The following ANGPT1 variants were observed in gnomAD, a reference collection of about 807,000 sequenced individuals.
ANGPT1 encodes the protein angiopoietin 1, also known as angiopoietin-1.
A neutral mutation model predicts 62.2 loss-of-function variants in ANGPT1; 17 were observed. The observed-to-expected ratio is 0.27, with a 90% CI of 0.19 to 0.41. ANGPT1 has a LOEUF of 0.41. Among genes scored for constraint, ANGPT1 ranks in the 10% least tolerant of loss-of-function variants. The pLI, the probability that ANGPT1 is intolerant of heterozygous loss-of-function variation, is 1.00. For synonymous variants in ANGPT1, 199 were observed against 198.9 expected, an observed-to-expected ratio of 1.00 and a Z score of 0.00; for missense variants, 478 against 594.9, an observed-to-expected ratio of 0.80 and a Z score of 2.04.
intron 1 of ANGPT1, among the ~76,000 whole-genome samples, chr8:107,386,455 G>A (rs140598040): frequency 1.8e-3 from 268 of 152,198 alleles, no homozygotes; most frequent in African/African-American, 5.8e-3. Flanking sequence ...AAAGAAGAGA[G>A]GCTGCCTTAA....
chr8:107,354,916 C>CTTTTTTTT (rs780289972), intron 1 of ANGPT1, among the ~76,000 whole-genome samples: 1 of 135,930 alleles, frequency 7.4e-6, no homozygotes, highest in African/African-American at 2.7e-5. Context: ...GATGGTGTTG[C>CTTTTTTTT]TTTTTTTTTT....
At chr8:107,388,070 AT>A (rs201552569) in intron 1 of ANGPT1, among the ~76,000 whole-genome samples, 3,763 of 152,128 alleles carry the variant, frequency 0.025, 149 homozygotes, top group African/African-American at 0.082. Context: ...TGAGATGAAA[AT>A]TTTTTTATGA....
At position 107,368,068 on chromosome 8, in the gene ANGPT1, C is replaced by T. The variant is rs1356945505; in HGVS notation, c.298-20971G>A. Among the ~76,000 whole-genome samples the T allele has an allele frequency of 2.0e-5, 3 of 152,264 alleles. No individual in the cohort carries two copies. The East Asian group carries it at 5.8e-4, about 29-fold the overall frequency. On this transcript the variant is annotated intron_variant, in intron 1 of 8. Transcript: ENST00000517746. ...GGTTTTCAATTTACTTTGCCCAGAT[C>T]CATCTGAGGAATCATTGTCTATGGC...
intron 1 of ANGPT1, among the ~76,000 whole-genome samples, chr8:107,424,516 A>G (rs1810984972): frequency 6.6e-6 from 1 of 152,196 alleles, no homozygotes; most frequent in South Asian, 2.1e-4. Flanking sequence ...ATTAGCTGAT[A>G]TAAACCTTCT....
In ANGPT1 at chr8:107,321,884, A is replaced by T. The variant is rs757509186; in HGVS notation, c.808+12T>A. On this transcript the variant is annotated intron_variant, in intron 4 of 8. Transcript: ENST00000517746. ...AATATTAACAATACCAAAGTGAGGA[A>T]GACATTCTTACCACCTTCTTTAGTG... is the stretch of plus-strand genomic sequence containing the variant. 17 of 1,608,056 alleles carry T rather than the reference A, an allele frequency of 1.1e-5. No homozygotes were observed. The highest frequency in any genetic ancestry group is 1.4e-5 in the Non-Finnish European group (17 of 1,174,838).
chr8:107,454,395 A>C (rs2130461799), intron 1 of ANGPT1, among the ~76,000 whole-genome samples: 1 of 152,210 alleles, frequency 6.6e-6, no homozygotes, highest in African/African-American at 2.4e-5. Flanking sequence ...TTAAAATACA[A>C]ATCAGTTCTC....
intron 1 of ANGPT1, among the ~76,000 whole-genome samples, chr8:107,460,650 C>T (rs895689323): frequency 2.6e-5 from 4 of 152,100 alleles, no homozygotes; most frequent in Admixed American, 6.6e-5. Context: ...ATGCAGAGAA[C>T]ATGATGTGCT....
intron 5 of ANGPT1, among the ~76,000 whole-genome samples, chr8:107,299,391 GTATATA>G (rs59247214): frequency 0.026 from 2,896 of 112,436 alleles, 80 homozygotes; most frequent in African/African-American, 0.06. Context: ...ATGAAGGAGT[GTATATA>G]TATATATATA....
intron 1 of ANGPT1, among the ~76,000 whole-genome samples, chr8:107,375,131 G>T (rs1261289247): frequency 6.6e-6 from 1 of 151,600 alleles, no homozygotes; most frequent in African/African-American, 2.4e-5. Flanking sequence ...CTGCACTCCA[G>T]CCTGGTGACA....
chr8:107,410,926 T>C (rs2130355417), intron 1 of ANGPT1, among the ~76,000 whole-genome samples: 1 of 152,276 alleles, frequency 6.6e-6, no homozygotes, highest in East Asian at 1.9e-4. Context: ...TACATAACTG[T>C]TTGTGCCAAG....
chr8:107,335,467 C>T (rs139482816), intron 3 of ANGPT1, among the ~76,000 whole-genome samples: 23 of 152,254 alleles, frequency 1.5e-4, no homozygotes, highest in African/African-American at 5.5e-4. Flanking sequence ...ATGTTAATGA[C>T]TTCAAAATAA....
Position 107,251,555 on chromosome 8 carries a change from A to G in ANGPT1, c.*300T>C. 3.8e-6 allele frequency: 1 copy of G among 261,300 alleles called. No individual in the cohort carries two copies. The highest frequency in any genetic ancestry group is 7.3e-6 in the Non-Finnish European group (1 of 136,954). The allele number at this position is 261,300 out of a possible 1,614,324, so 16.2% of individuals were successfully genotyped here. ...CATCTGGCTACCATAGTTCCAAAAT[A>G]AGGTCCAGTAGTAGTTTGAAGCACA... On this transcript the variant is annotated 3_prime_UTR_variant, in exon 9 of 9. Transcript: ENST00000517746.
chr8:107,489,003 G>C (rs1014527349), intron 1 of ANGPT1, among the ~76,000 whole-genome samples: 3 of 152,062 alleles, frequency 2.0e-5, no homozygotes, highest in Non-Finnish European at 4.4e-5. Flanking sequence ...AATCTTGAAG[G>C]GTCAAGCATT....
At chr8:107,403,213 G>A (rs62513198) in intron 1 of ANGPT1, among the ~76,000 whole-genome samples, 8,209 of 152,022 alleles carry the variant, frequency 0.054, 256 homozygotes, top group South Asian at 0.12. Flanking sequence ...CTGTAGCTCC[G>A]GGCATCACAT....
At chr8:107,457,827 C>A (rs1290982721) in intron 1 of ANGPT1, among the ~76,000 whole-genome samples, 1 of 75,316 alleles carries the variant, frequency 1.3e-5, no homozygotes, top group African/African-American at 1.0e-4. Context: ...ATACCCACTA[C>A]ACACACACAC....
intron 1 of ANGPT1, among the ~76,000 whole-genome samples, chr8:107,380,979 A>G (rs918253849): frequency 6.6e-6 from 1 of 152,202 alleles, no homozygotes; most frequent in African/African-American, 2.4e-5. Context: ...GGTACTCCAG[A>G]TGGATTTTGC....
chr8:107,446,077 C>T (rs1022031047), intron 1 of ANGPT1, among the ~76,000 whole-genome samples: 1 of 151,992 alleles, frequency 6.6e-6, no homozygotes, highest in Admixed American at 6.6e-5. Flanking sequence ...GCCACCATGC[C>T]CAGTTAACTT....
chr8:107,349,699 A>G (rs1179203045), intron 1 of ANGPT1, among the ~76,000 whole-genome samples: 6 of 152,178 alleles, frequency 3.9e-5, no homozygotes, highest in Non-Finnish European at 7.4e-5. Flanking sequence ...TCAAGAACAA[A>G]CAAGGATTCA....
chr8:107,363,380 T>C (rs938298412), intron 1 of ANGPT1, among the ~76,000 whole-genome samples: 1 of 152,212 alleles, frequency 6.6e-6, no homozygotes, highest in African/African-American at 2.4e-5. Context: ...TATACAGTTA[T>C]CAATAAGAAG....
Sources: gnomAD v4.1 joint callset for allele counts (sites outside exome capture counted in the v4.1 genomes callset) on GRCh38, gnomAD v4.1.1 for gene constraint, MANE v1.5 for transcripts, NCBI Gene and HGNC (gene_info 2026-07-23, HGNC 2026-07-21) for gene names.